SDK2: variants seen among roughly 807,000 people sequenced by gnomAD.
The protein encoded by SDK2 is protein sidekick-2.
SDK2 carries 105 observed loss-of-function variants against 253.9 expected under a neutral mutation model. That is an observed-to-expected ratio of 0.41 (90% confidence interval 0.35 to 0.49). The LOEUF is 0.49. Ranked by LOEUF, SDK2 falls within the 20% of genes least tolerant of loss-of-function variation. The pLI, the probability that SDK2 is intolerant of heterozygous loss-of-function variation, is 0.06. For missense variants in SDK2, 2,608 were observed against 3,003.0 expected (o/e 0.87, Z 3.07); for synonymous variants, 1,249 against 1,234.9 (o/e 1.01, Z -0.24).
rs145073850 is a variant in SDK2 at position 73,387,152 on chromosome 17, T to G, written c.4395-604A>C. Among the ~76,000 whole-genome samples the G allele has an allele frequency of 9.2e-3, 1,398 of 152,138 alleles. 37 individuals are homozygous for G. Among genetic ancestry groups the G allele is most frequent in the East Asian group, 0.087 (452 of 5,166 alleles). On this transcript the variant is annotated intron_variant, in intron 30 of 44. Coordinates refer to ENST00000392650, the MANE Select transcript of SDK2 (RefSeq NM_001144952.2). ...ATTTTTGTATTTTAGTAGAGACAGG[T>G]TTTCACCATGTTGGCCAGACTGGTT... is the stretch of plus-strand genomic sequence containing the variant.
chr17:73,468,382 C>T (rs1024649759), intron 3 of SDK2, among the ~76,000 whole-genome samples: 3 of 152,148 alleles, frequency 2.0e-5, no homozygotes, highest in African/African-American at 7.2e-5. Context: ...ATTATTAATA[C>T]ATTTTAGGGA....
chr17:73,424,810 C>T (rs979676855), intron 12 of SDK2, among the ~76,000 whole-genome samples: 5 of 152,156 alleles, frequency 3.3e-5, no homozygotes, highest in African/African-American at 1.2e-4. Flanking sequence ...CAAATAGCCC[C>T]GTTCAGCTGG....
intron 1 of SDK2, among the ~76,000 whole-genome samples, chr17:73,551,279 G>C (rs2045053928): frequency 1.3e-5 from 2 of 152,098 alleles, no homozygotes; most frequent in African/African-American, 4.8e-5. Context: ...TCCCACCCCA[G>C]CCCGATTCAT....
At position 73,643,957 on chromosome 17, in the gene SDK2, T is replaced by TGCCCCC; in HGVS notation, c.64+67_64+68insGGGGGC. The stretch of plus-strand genomic sequence containing the variant: ...GGAGGTCACCGTGAGGCCGGCCAGC[T>TGCCCCC]CCCGCCGCCCCTCCCCCGCCCACTC... On this transcript the variant is annotated intron_variant, in intron 1 of 44. Coordinates refer to ENST00000392650, the MANE Select transcript of SDK2 (RefSeq NM_001144952.2). The surrounding 1 kb of genome is among the most constrained non-coding windows in gnomAD (Gnocchi z 6.9). 1 of 1,019,998 alleles carries TGCCCCC rather than the reference T, an allele frequency of 9.8e-7. No homozygotes were observed. The allele number at this position is 1,019,998 out of a possible 1,614,324, so 63.2% of individuals were successfully genotyped here. A position where few individuals can be genotyped will look rare whatever the true frequency, so the allele number is the denominator to read the frequency against.
At chr17:73,529,170 G>C (rs12944112) in intron 1 of SDK2, among the ~76,000 whole-genome samples, 6 of 152,172 alleles carry the variant, frequency 3.9e-5, no homozygotes, top group African/African-American at 1.2e-4. Flanking sequence ...AGAGGAGGTG[G>C]TTTCGTCTGT....
At chr17:73,509,155 C>T (rs2063958501) in intron 1 of SDK2, among the ~76,000 whole-genome samples, 1 of 152,250 alleles carries the variant, frequency 6.6e-6, no homozygotes, top group Admixed American at 6.5e-5. Context: ...TCTACGTTCA[C>T]TCCACCGCTT....
At chr17:73,538,209 G>A (rs546732222) in intron 1 of SDK2, among the ~76,000 whole-genome samples, 1 of 152,328 alleles carries the variant, frequency 6.6e-6, no homozygotes, top group African/African-American at 2.4e-5. Context: ...CGGTTGTGCT[G>A]ATTTTATAGA....
At chr17:73,457,318 C>CTCCCG (rs2063535892) in intron 3 of SDK2, among the ~76,000 whole-genome samples, 1 of 76,930 alleles carries the variant, frequency 1.3e-5, no homozygotes, top group Admixed American at 1.4e-4. Context: ...CCCCCCTCCC[C>CTCCCG]TCTCCTCCCC....
At chr17:73,357,955 T>C (rs1190133451) in intron 40 of SDK2, 124 bp downstream of exon 40, 1 of 1,439,792 alleles carries the variant, frequency 6.9e-7, no homozygotes, top group Non-Finnish European at 9.7e-7. Context: ...GCCAGGTGAC[T>C]TCACCTGTAG....
At chr17:73,578,086 G>A (rs946732998) in intron 1 of SDK2, among the ~76,000 whole-genome samples, 4 of 148,288 alleles carry the variant, frequency 2.7e-5, no homozygotes, top group African/African-American at 1.0e-4. Context: ...TTGAGATGGA[G>A]TCTCGCTCTG....
chr17:73,352,451 C>A lies in SDK2; in HGVS notation c.5758+22G>T, dbSNP rs1303835883. On this transcript the variant is annotated intron_variant, in intron 41 of 44. Coordinates refer to ENST00000392650, the MANE Select transcript of SDK2 (RefSeq NM_001144952.2). This position sits in a 1 kb window ranked among gnomAD's most constrained non-coding sequence, Gnocchi z 4.1. Reference sequence around the variant, plus strand: ...GGCTCTGCTGTGGGGCTCCCCCACTCCCTCAGCCCCCAGGCCGGTACCTGG... The same window carrying A: ...GGCTCTGCTGTGGGGCTCCCCCACTACCTCAGCCCCCAGGCCGGTACCTGG... 6.2e-7 allele frequency: 1 copy of A among 1,600,494 alleles called. No individual in the cohort carries two copies.
rs963723030 is a variant in SDK2, at chr17:73,496,493, G to A, written c.224+10945C>T. Among the ~76,000 whole-genome samples the A allele has an allele frequency of 6.6e-6, 1 of 152,178 alleles. No homozygotes were observed. The highest frequency in any genetic ancestry group is 1.9e-4 in the East Asian group (1 of 5,200). On this transcript the variant is annotated intron_variant, in intron 2 of 44. Transcript: ENST00000392650. The surrounding 1 kb of genome is among the most constrained non-coding windows in gnomAD (Gnocchi z 4.7). ...GGGCATGAAAGAGCAGAGACCACGG[G>A]TGCACGATGCGTTCTGCCCATTAGC...
At chr17:73,402,394 G>C (rs1054794635) in intron 18 of SDK2, among the ~76,000 whole-genome samples, 1 of 152,194 alleles carries the variant, frequency 6.6e-6, no homozygotes, top group African/African-American at 2.4e-5. Context: ...GAATCGCCTC[G>C]TACTCAATTC....
At chr17:73,353,852 C>T (rs971597212) in intron 40 of SDK2, among the ~76,000 whole-genome samples, 1 of 151,472 alleles carries the variant, frequency 6.6e-6, no homozygotes. Flanking sequence ...TACAGGCTTA[C>T]TCCACCACGC....
intron 1 of SDK2, among the ~76,000 whole-genome samples, chr17:73,592,116 C>T (rs1201913997): frequency 6.6e-6 from 1 of 152,208 alleles, no homozygotes; most frequent in African/African-American, 2.4e-5. Context: ...ACGATGAATG[C>T]AGGGAACTGC....
At chr17:73,482,515 C>T (rs912260747) in intron 2 of SDK2, among the ~76,000 whole-genome samples, 2 of 152,240 alleles carry the variant, frequency 1.3e-5, no homozygotes, top group African/African-American at 2.4e-5. Context: ...ATTGATCCCC[C>T]GGCCCTGCGG....
intron 2 of SDK2, among the ~76,000 whole-genome samples, chr17:73,498,053 G>A (rs751166938): frequency 2.4e-4 from 36 of 152,248 alleles, no homozygotes; most frequent in African/African-American, 8.2e-4. Flanking sequence ...TTGAAAGCAC[G>A]CATCAAAACT....
At chr17:73,588,975 G>A (rs2045644385) in intron 1 of SDK2, among the ~76,000 whole-genome samples, 1 of 152,278 alleles carries the variant, frequency 6.6e-6, no homozygotes, top group African/African-American at 2.4e-5. Flanking sequence ...GTGAGCACCA[G>A]GGCAGGGTTA....
In SDK2 at chr17:73,440,920, A is replaced by C. The variant is rs1448064189; in HGVS notation, c.617T>G (p.Val206Gly). 6.5e-7 allele frequency: 1 copy of C among 1,546,656 alleles called. No individual in the cohort carries two copies. Reference protein sequence around the residue: ...SQPITLTVENVGGPADPIAPT... With the variant: ...SQPITLTVENGGGPADPIAPT... Reference sequence around the variant, plus strand: ...TGCGATGGGGTCTGCAGGCCCCCCTACATCTGGAGAGAGATCAGATGTTAG... The same window carrying C: ...TGCGATGGGGTCTGCAGGCCCCCCTCCATCTGGAGAGAGATCAGATGTTAG... The change falls in exon 6 of 45, where the codon GTA becomes GGA. Residue 206 changes from valine to glycine, a missense_variant. Val to Gly is a moderately radical substitution (Grantham distance 109). This residue lies in a region of SDK2 where 1,505 missense variants were observed against 1,859.1 expected (regional missense o/e 0.81). Coordinates refer to ENST00000392650, the MANE Select transcript of SDK2 (RefSeq NM_001144952.2).
Sources: allele counts gnomAD v4.1 joint callset (sites outside exome capture counted in the v4.1 genomes callset), GRCh38; gene constraint gnomAD v4.1.1; regional missense constraint gnomAD v4.1.1; non-coding constraint Gnocchi (gnomAD v3.1); transcripts MANE v1.5; gene names NCBI Gene and HGNC (gene_info 2026-07-23, HGNC 2026-07-21).